MAP3K12: variants seen among roughly 807,000 people sequenced by gnomAD.
MAP3K12 encodes the protein mitogen-activated protein kinase kinase kinase 12, also known as MAPK-upstream kinase.
In MAP3K12, 14 loss-of-function variants were observed where a neutral mutation model predicts 87.5. The observed-to-expected ratio is 0.16, with a 90% CI of 0.11 to 0.25. MAP3K12 has a LOEUF of 0.25. Ranked by LOEUF, MAP3K12 falls within the 10% of genes least tolerant of loss-of-function variation. The pLI, the probability that MAP3K12 is intolerant of heterozygous loss-of-function variation, is 1.00. For missense variants in MAP3K12, 802 were observed against 1,140.4 expected (o/e 0.70, Z 4.27); for synonymous variants, 469 against 452.5 (o/e 1.04, Z -0.46).
At chr12:53,492,462 C>T (rs1171199516) in intron 1 of MAP3K12, among the ~76,000 whole-genome samples, 1 of 152,006 alleles carries the variant, frequency 6.6e-6, no homozygotes, top group East Asian at 1.9e-4. Flanking sequence ...CGCGCGCGCG[C>T]GCGCGCAAAC....
At position 53,485,603 on chromosome 12, in the gene MAP3K12, T is replaced by C. The variant is rs1011651242; in HGVS notation, c.822-128A>G. On this transcript the variant is annotated intron_variant, in intron 4 of 13. Coordinates refer to ENST00000547488, the MANE Select transcript of MAP3K12 (RefSeq NM_001193511.2). ...CGGAGTCTCACTCTGTCACTCAGGC[T>C]GGAGTGCAGTGGCTCAATCTCGGCT... The C allele has an allele frequency of 3.9e-6, 4 of 1,024,596 alleles. No homozygotes were observed. The South Asian group carries it at 6.1e-5, about 16-fold the overall frequency. 63.5% of individuals were successfully genotyped at this position (1,024,596 alleles called of 1,614,324 possible).
At position 53,486,476 on chromosome 12, in the gene MAP3K12, A is replaced by G. The variant is rs1259751049; in HGVS notation, c.592T>C (p.Leu198=). 5.0e-6 allele frequency: 8 copies of G among 1,614,134 alleles called. No individual in the cohort carries two copies. The highest frequency in any genetic ancestry group is 6.8e-6 in the Non-Finnish European group (8 of 1,180,018). The change falls in exon 3 of 14, where the codon TTG becomes CTG. Residue 198 remains leucine, a synonymous_variant. Transcript: ENST00000547488. This position sits in a 1 kb window ranked among gnomAD's most constrained non-coding sequence, Gnocchi z 4.9. ...ATGTTGGGGTGCTTCAGCTTTCGCA[A>G]GTGCTTGATGTCGGTTTCTTTGAGG... ...RDLKETDIKH[L]RKLKHPNIIT... is the part of the protein sequence containing the mutation.
At position 53,482,709 on chromosome 12, in the gene MAP3K12, T is replaced by C. The variant is rs1318565668; in HGVS notation, c.2094A>G (p.Pro698=). 1 of 1,613,590 alleles carries C rather than the reference T, an allele frequency of 6.2e-7. No individual in the cohort carries two copies. The part of the protein sequence containing the change: ...PDSPGGAKGE[P]PPPVGPGEGV... ...CTTCACCAGGCCCTACTGGAGGAGG[T>C]GGTTCCCCTTTGGCTCCCCCAGGTG... is the stretch of plus-strand genomic sequence containing the variant. The change falls in exon 11 of 14, where the codon CCA becomes CCG. Residue 698 remains proline, a synonymous_variant. Coordinates refer to ENST00000547488, the MANE Select transcript of MAP3K12 (RefSeq NM_001193511.2).
intron 1 of MAP3K12, among the ~76,000 whole-genome samples, chr12:53,491,729 G>C (rs1943413384): frequency 1.4e-5 from 2 of 145,816 alleles, no homozygotes; most frequent in African/African-American, 2.5e-5. Context: ...CACCGCGCCC[G>C]GCAGGCATAG....
chr12:53,487,685 C>G (rs751873405), intron 1 of MAP3K12: 21 of 383,300 alleles, frequency 5.5e-5, no homozygotes, highest in Non-Finnish European at 9.9e-5. Flanking sequence ...GAGTATCATT[C>G]TCAGGTAACA....
chr12:53,492,329 A>G (rs530004283), intron 1 of MAP3K12, among the ~76,000 whole-genome samples: 2 of 152,126 alleles, frequency 1.3e-5, no homozygotes, highest in South Asian at 2.1e-4. Context: ...TAGAGAGATG[A>G]CTTCGCATCA....
rs1478579371 is a variant in MAP3K12 at position 53,486,177 on chromosome 12, C to A, written c.700G>T (p.Val234Leu). Residue 234 changes from valine to leucine, a missense_variant, in exon 4 of 14, where the codon GTA (valine) becomes TTA (leucine). By Grantham distance (32) the Val-to-Leu change is conservative (BLOSUM62 1). Transcript: ENST00000547488. The surrounding 1 kb of genome is among the most constrained non-coding windows in gnomAD (Gnocchi z 4.9). ...EFCAQGQLYE[V>L]LRAGRPVTPS... ...GTGACAGGGCGGCCAGCCCGCAGTACCTCATACAGCTGGCCCTGGGCGCAG... is the reference window on the plus strand; with the variant it reads ...GTGACAGGGCGGCCAGCCCGCAGTAACTCATACAGCTGGCCCTGGGCGCAG... 6.2e-7 allele frequency: 1 copy of A among 1,614,092 alleles called. No individual in the cohort carries two copies. The highest frequency in any genetic ancestry group is 2.2e-5 in the East Asian group (1 of 44,880).
chr12:53,485,051 C>T lies in MAP3K12; in HGVS notation c.1139+5G>A, dbSNP rs370218150. On this transcript the variant is annotated splice_donor_5th_base_variant and intron_variant, in intron 6 of 13. Transcript: ENST00000547488. ...GCCCAGTATCCCAGCCCAGACCATC[C>T]TTACCAGCACTGGCGAAGCAGGATC... 8.1e-5 allele frequency: 131 copies of T among 1,614,024 alleles called. No individual in the cohort carries two copies. Among genetic ancestry groups the T allele is most frequent in the Non-Finnish European group, 1.1e-4 (128 of 1,180,028 alleles).
intron 4 of MAP3K12, chr12:53,485,842 C>T (rs1007984712): frequency 1.4e-5 from 8 of 573,778 alleles, no homozygotes; most frequent in African/African-American, 1.3e-4. Flanking sequence ...AGGCGTGAGC[C>T]ACTGCATCCG....
Position 53,483,451 on chromosome 12 carries a change from A to G in MAP3K12, c.1511T>C (p.Leu504Pro). 1.2e-6 allele frequency: 2 copies of G among 1,614,120 alleles called. No homozygotes were observed. Among genetic ancestry groups the G allele is most frequent in the Non-Finnish European group, 1.7e-6 (2 of 1,180,020 alleles). ...EQALERRCPG[L>P]LKPHPSRGLL... ...GCCCCGGGAAGGGTGTGGCTTCAGC[A>G]GGCCTGGGCACCTCCGCTCTAAAGC... The change falls in exon 10 of 14, where the codon CTG becomes CCG. Residue 504 changes from leucine (L) to proline (P), a missense_variant. This residue lies in a region of MAP3K12 where 99 missense variants were observed against 193.4 expected (regional missense o/e 0.51). Coordinates refer to ENST00000547488, the MANE Select transcript of MAP3K12 (RefSeq NM_001193511.2).
chr12:53,488,933 A>T (rs1943322279), intron 1 of MAP3K12, among the ~76,000 whole-genome samples: 1 of 149,866 alleles, frequency 6.7e-6, no homozygotes, highest in African/African-American at 2.5e-5. Flanking sequence ...AGAAAAAATT[A>T]GCTGGGCGTG....
intron 13 of MAP3K12, 110 bp from the exon 14 acceptor site, chr12:53,481,390 C>T: frequency 2.2e-6 from 1 of 462,478 alleles, no homozygotes. Context: ...CTCACTCTCG[C>T]CCAGGCTGGA....
In MAP3K12 at chr12:53,482,276, A is replaced by G. The variant is rs1259761959; in HGVS notation, c.2309+23T>C. On this transcript the variant is annotated intron_variant, in intron 12 of 13. Coordinates refer to ENST00000547488, the MANE Select transcript of MAP3K12 (RefSeq NM_001193511.2). Reference sequence around the variant, plus strand: ...CTAGCAGAAAACAAGAATGCCATTAATTCTTGTAATGCCATCACTTACCTC... The same window carrying G: ...CTAGCAGAAAACAAGAATGCCATTAGTTCTTGTAATGCCATCACTTACCTC... 1.2e-5 allele frequency: 20 copies of G among 1,613,874 alleles called. No homozygotes were observed. In the East Asian group the frequency reaches 4.5e-4, roughly 36 times the overall value.
chr12:53,483,415 C>T lies in MAP3K12; in HGVS notation c.1547G>A (p.Gly516Glu). 6.2e-7 allele frequency: 1 copy of T among 1,614,052 alleles called. No homozygotes were observed. The highest frequency in any genetic ancestry group is 8.5e-7 in the Non-Finnish European group (1 of 1,180,012). ...KPHPSRGLLHGNTMEKLIKKR... is the reference protein window; with the variant it reads ...KPHPSRGLLHENTMEKLIKKR... The stretch of plus-strand genomic sequence containing the variant: ...CTTGATAAGCTTCTCCATTGTGTTT[C>T]CATGCAGGAGGCCCCGGGAAGGGTG... Residue 516 changes from glycine to glutamate, a missense_variant, in exon 10 of 14, where the codon GGA (glycine) becomes GAA (glutamate). This residue lies in a region of MAP3K12 where 490 missense variants were observed against 496.6 expected (regional missense o/e 0.99). Transcript: ENST00000547488.
chr12:53,483,357 A>G lies in MAP3K12; in HGVS notation c.1605T>C (p.His535=), dbSNP rs1297188801. The part of the protein sequence containing the change: ...KRNVPQKLSP[H]SKRPDILKTE... ...CAGTACTCATGTCCCACCTTTTGCT[A>G]TGGGGTGACAGCTTCTGTGGCACAT... Residue 535 remains histidine, a synonymous_variant, in exon 10 of 14, where the codon CAT becomes CAC. Transcript: ENST00000547488. The G allele has an allele frequency of 3.7e-6, 6 of 1,613,880 alleles. No homozygotes were observed. The highest frequency in any genetic ancestry group is 3.3e-5 in the Admixed American group (2 of 59,986).
intron 10 of MAP3K12, 28 bp from the exon 11 acceptor site, chr12:53,483,217 A>G (rs752424276): frequency 5.5e-5 from 85 of 1,532,924 alleles, no homozygotes; most frequent in Non-Finnish European, 7.1e-5. Flanking sequence ...GTAAAAGGTT[A>G]AGACTGCCAA....
In MAP3K12 at chr12:53,486,202, G is replaced by A; in HGVS notation, c.675C>T (p.Phe225=). 2 of 1,613,420 alleles carry A rather than the reference G, an allele frequency of 1.2e-6. No individual in the cohort carries two copies. Among genetic ancestry groups the A allele is most frequent in the Non-Finnish European group, 1.7e-6 (2 of 1,179,668 alleles). ...CCTCATACAGCTGGCCCTGGGCGCA[G>A]AACTCCATGAGGATGCAGTAGCAGG... ...QAPCYCILME[F]CAQGQLYEVL... is the part of the protein sequence containing the mutation. Residue 225 remains phenylalanine, a synonymous_variant, in exon 4 of 14, where the codon TTC becomes TTT. Coordinates refer to ENST00000547488, the MANE Select transcript of MAP3K12 (RefSeq NM_001193511.2). The surrounding 1 kb of genome is among the most constrained non-coding windows in gnomAD (Gnocchi z 4.9).
At chr12:53,485,754 C>T (rs1326971241) in intron 4 of MAP3K12, 1 of 511,580 alleles carries the variant, frequency 2.0e-6, no homozygotes, top group Non-Finnish European at 3.5e-6. Flanking sequence ...GACGAGGTTT[C>T]ACCATGTTGG....
chr12:53,482,801 G>A lies in MAP3K12; in HGVS notation c.2002C>T (p.Pro668Ser), dbSNP rs762282324. ...ATGGAGDPGSPPPARGDTPPS... is the reference protein window; with the variant it reads ...ATGGAGDPGSSPPARGDTPPS... ...GGGGTGTCACCCCGGGCCGGAGGTG[G>A]TGAGCCAGGATCCCCAGCTCCGCCT... The change falls in exon 11 of 14, where the codon CCA (proline) becomes TCA (serine). Residue 668 changes from proline (P) to serine (S), a missense_variant. Physicochemically the swap from Pro to Ser is moderately conservative, Grantham distance 74. Around this residue, in one of 5 missense-constraint regions of MAP3K12, gnomAD observed 490 missense variants for 496.6 expected, o/e 0.99. Transcript: ENST00000547488. 6.2e-7 allele frequency: 1 copy of A among 1,611,694 alleles called. No homozygotes were observed. Among genetic ancestry groups the A allele is most frequent in the South Asian group, 1.1e-5 (1 of 90,966 alleles).
Sources: allele counts gnomAD v4.1 joint callset (sites outside exome capture counted in the v4.1 genomes callset), GRCh38; gene constraint gnomAD v4.1.1; regional missense constraint gnomAD v4.1.1; non-coding constraint Gnocchi (gnomAD v3.1); transcripts MANE v1.5; gene names NCBI Gene and HGNC (gene_info 2026-07-23, HGNC 2026-07-21).